The following LRRC4C variants were observed in gnomAD, a reference collection of about 807,000 sequenced individuals.
LRRC4C encodes the protein leucine rich repeat containing 4C.
Under a neutral mutation model 33.6 loss-of-function variants are expected in LRRC4C, and 5 were observed. That is an observed-to-expected ratio of 0.15 (90% CI 0.08 to 0.31). The LOEUF (loss-of-function observed/expected upper bound fraction) is 0.31. LRRC4C is among the 10% of genes least tolerant of loss of function. The pLI, the probability that LRRC4C is intolerant of heterozygous loss-of-function variation, is 1.00. For missense variants in LRRC4C, 560 were observed against 796.7 expected (o/e 0.70, Z 3.58); for synonymous variants, 329 against 302.0 (o/e 1.09, Z -0.93).
intron 3 of LRRC4C, among the ~76,000 whole-genome samples, chr11:40,406,383 T>C (rs1267942733): frequency 6.6e-6 from 1 of 152,164 alleles, no homozygotes; most frequent in Non-Finnish European, 1.5e-5. Flanking sequence ...GCACAAAGCA[T>C]GTTATTTTGC....
chr11:41,010,784 G>A (rs1204028388), intron 1 of LRRC4C, among the ~76,000 whole-genome samples: 1 of 152,088 alleles, frequency 6.6e-6, no homozygotes, highest in East Asian at 1.9e-4. Flanking sequence ...TCAGCACATG[G>A]CTATGTCTGT....
intron 3 of LRRC4C, among the ~76,000 whole-genome samples, chr11:40,444,733 G>C (rs1951553765): frequency 6.6e-6 from 1 of 152,130 alleles, no homozygotes; most frequent in Non-Finnish European, 1.5e-5. Flanking sequence ...GCTGTTAAAA[G>C]CAACAACACA....
intron 1 of LRRC4C, among the ~76,000 whole-genome samples, chr11:41,295,886 C>T (rs984981354): frequency 6.6e-6 from 1 of 152,218 alleles, no homozygotes. Flanking sequence ...TTGCTAAGCC[C>T]TGCTCAAGTG....
chr11:41,102,857 T>C (rs945936402), intron 1 of LRRC4C, among the ~76,000 whole-genome samples: 5 of 152,052 alleles, frequency 3.3e-5, no homozygotes, highest in African/African-American at 1.2e-4. Context: ...TAAATCTCTA[T>C]GCTTGATGTG....
In LRRC4C at chr11:40,257,459, C is replaced by A. The variant is rs979104497; in HGVS notation, c.-175-15861G>T. Among the ~76,000 whole-genome samples, 3 of 151,978 alleles carry A rather than the reference C, an allele frequency of 2.0e-5. No homozygotes were observed. The East Asian group carries it at 5.8e-4, about 29-fold the overall frequency. Reference sequence around the variant, plus strand: ...GTCTTTATTCCCATTATTTCTAGTTCCCAAGTAAACCGGAGTTTCATTCAG... The same window carrying A: ...GTCTTTATTCCCATTATTTCTAGTTACCAAGTAAACCGGAGTTTCATTCAG... On this transcript the variant is annotated intron_variant, in intron 4 of 6. Coordinates refer to ENST00000528697, the MANE Select transcript of LRRC4C (RefSeq NM_001258419.2).
chr11:40,862,262 T>G (rs1392104933), intron 2 of LRRC4C, among the ~76,000 whole-genome samples: 1 of 152,138 alleles, frequency 6.6e-6, no homozygotes, highest in African/African-American at 2.4e-5. Flanking sequence ...TTTGAAGTTT[T>G]TTCTTGCTGT....
chr11:41,298,382 C>T (rs942663604), intron 1 of LRRC4C, among the ~76,000 whole-genome samples: 4 of 152,108 alleles, frequency 2.6e-5, no homozygotes, highest in Non-Finnish European at 5.9e-5. Context: ...TGTCACATGG[C>T]TGTCCCTAGA....
intron 4 of LRRC4C, among the ~76,000 whole-genome samples, chr11:40,303,291 C>A (rs1409950938): frequency 6.6e-6 from 1 of 151,958 alleles, no homozygotes; most frequent in Non-Finnish European, 1.5e-5. Context: ...TATTAATTTG[C>A]GTATTTGTTT....
In LRRC4C at chr11:40,758,607, C is replaced by T. The variant is rs192706098; in HGVS notation, c.-406-110329G>A. ...ATAGTGCATTTAATAGGATAGATCC[C>T]TGGAAGACCTTGGATGAAAAGTTTT... On this transcript the variant is annotated intron_variant, in intron 2 of 6. Coordinates refer to ENST00000528697, the MANE Select transcript of LRRC4C (RefSeq NM_001258419.2). Among the ~76,000 whole-genome samples, 27 of 151,984 alleles carry T rather than the reference C, an allele frequency of 1.8e-4. 2 individuals carry two copies. The East Asian group carries it at 4.5e-3, about 25-fold the overall frequency.
chr11:40,227,224 TA>T (rs1864865624), intron 5 of LRRC4C, among the ~76,000 whole-genome samples: 1 of 152,192 alleles, frequency 6.6e-6, no homozygotes, highest in Non-Finnish European at 1.5e-5. Context: ...AAGTTGGTGT[TA>T]AAATTGATTA....
intron 2 of LRRC4C, among the ~76,000 whole-genome samples, chr11:40,925,123 T>TTCTC (rs56945447): frequency 0.075 from 11,212 of 149,232 alleles, 465 homozygotes; most frequent in Non-Finnish European, 0.1. Flanking sequence ...CCCCAAATAT[T>TTCTC]TCTCTCTCTC....
intron 2 of LRRC4C, among the ~76,000 whole-genome samples, chr11:40,673,412 A>C (rs1944231909): frequency 1.3e-5 from 2 of 152,180 alleles, no homozygotes; most frequent in Admixed American, 1.3e-4. Context: ...TCGGTATCTT[A>C]TTCTACAGGC....
At chr11:40,145,898 A>C (rs1311077633) in intron 5 of LRRC4C, among the ~76,000 whole-genome samples, 1 of 152,222 alleles carries the variant, frequency 6.6e-6, no homozygotes, top group Non-Finnish European at 1.5e-5. Context: ...TATACCAGGA[A>C]ATGAATTGTT....
chr11:40,753,422 T>C (rs1174041141), intron 2 of LRRC4C, among the ~76,000 whole-genome samples: 1 of 146,352 alleles, frequency 6.8e-6, no homozygotes, highest in Non-Finnish European at 1.5e-5. Context: ...GAAGTACCAG[T>C]AAAAAAAAAA....
chr11:41,260,630 T>C (rs1200207132), intron 1 of LRRC4C, among the ~76,000 whole-genome samples: 1 of 151,758 alleles, frequency 6.6e-6, no homozygotes, highest in Admixed American at 6.6e-5. Context: ...TATATATATA[T>C]AAATAAAATA....
chr11:40,871,440 C>G (rs1954640415), intron 2 of LRRC4C, among the ~76,000 whole-genome samples: 1 of 152,082 alleles, frequency 6.6e-6, no homozygotes, highest in South Asian at 2.1e-4. Context: ...CTTTTGTACT[C>G]TGTCCCTTTA....
chr11:40,644,869 T>C (rs1021216976), intron 3 of LRRC4C, among the ~76,000 whole-genome samples: 1 of 152,056 alleles, frequency 6.6e-6, no homozygotes, highest in Admixed American at 6.5e-5. Flanking sequence ...AATACTCTGG[T>C]TATAGTATTG....
intron 6 of LRRC4C, among the ~76,000 whole-genome samples, chr11:40,126,696 C>T (rs997289864): frequency 1.3e-5 from 2 of 152,084 alleles, no homozygotes; most frequent in East Asian, 1.9e-4. Flanking sequence ...CGTGGTGGCT[C>T]ACATCTGTAA....
chr11:40,936,054 AT>A lies in LRRC4C; in HGVS notation c.-495-2332del, dbSNP rs1565219348. On this transcript the variant is annotated intron_variant, in intron 1 of 6. Coordinates refer to ENST00000528697, the MANE Select transcript of LRRC4C (RefSeq NM_001258419.2). ...TATATATATATATATATATATATAT[AT>A]ATATATATATAACATAGTTTGAACC... Among the ~76,000 whole-genome samples, 173 of 95,092 alleles carry A rather than the reference AT, an allele frequency of 1.8e-3. 2 individuals are homozygous for A. The highest frequency in any genetic ancestry group is 4.2e-3 in the African/African-American group (105 of 25,054). 62.4% of individuals were successfully genotyped at this position (95,092 alleles called of 152,430 possible).
Sources: gnomAD v4.1 joint callset for allele counts (sites outside exome capture counted in the v4.1 genomes callset) on GRCh38, gnomAD v4.1.1 for gene constraint, MANE v1.5 for transcripts, NCBI Gene and HGNC (gene_info 2026-07-23, HGNC 2026-07-21) for gene names.